Variants in ABCC10 observed in about 807,000 individuals in gnomAD.
ABCC10 encodes the protein ATP binding cassette subfamily C member 10, also known as ATP-binding cassette sub-family C member 10.
In ABCC10, 110 loss-of-function variants were observed where a neutral mutation model predicts 143.2. The ratio of observed to expected loss-of-function variants is 0.77; its 90% CI spans 0.66 to 0.90. The LOEUF is 0.90. Among genes scored for constraint, ABCC10 ranks in the 40% least tolerant of loss-of-function variants. The pLI, the probability that ABCC10 is intolerant of heterozygous loss-of-function variation, is 0.00. For synonymous variants in ABCC10, 805 were observed against 846.7 expected (o/e 0.95, Z 0.85); for missense variants, 1,700 against 1,900.5 (o/e 0.89, Z 1.96).
At chr6:43,450,913 C>G (rs375804004), downstream of ABCC10, 1 of 1,614,222 alleles carries the variant, frequency 6.2e-7, no homozygotes, top group South Asian at 1.1e-5. This position sits in a 1 kb window ranked among gnomAD's most constrained non-coding sequence, Gnocchi z 4.5. Flanking sequence ...GGGGTGTCCA[C>G]TGTGGTTGGG....
Position 43,450,351 on chromosome 6 carries a change from C to A in ABCC10, c.*260C>A. Reference sequence around the variant, plus strand: ...TGGGTTTTTCTGGCATAGGAGCCCACTTGCATTTTCATAGTTTTATTTGAT... The same window carrying A: ...TGGGTTTTTCTGGCATAGGAGCCCAATTGCATTTTCATAGTTTTATTTGAT... On this transcript the variant is annotated 3_prime_UTR_variant, in exon 22 of 22. Transcript: ENST00000372530. This position sits in a 1 kb window ranked among gnomAD's most constrained non-coding sequence, Gnocchi z 4.5. The A allele has an allele frequency of 1.1e-6, 1 of 944,912 alleles. No individual in the cohort carries two copies. The highest frequency in any genetic ancestry group is 2.2e-5 in the South Asian group (1 of 46,418). 58.5% of individuals were successfully genotyped at this position (944,912 alleles called of 1,614,324 possible).
In ABCC10 at chr6:43,443,819, G is replaced by T; in HGVS notation, c.2417-114G>T. ...CGAGGTCTAGGGGTATCCTGCTAGG[G>T]TGGGTTAGACGGGGAGGCCTGAGAG... On this transcript the variant is annotated intron_variant, in intron 10 of 21. Coordinates refer to ENST00000372530, the MANE Select transcript of ABCC10 (RefSeq NM_001198934.2). This position sits in a 1 kb window ranked among gnomAD's most constrained non-coding sequence, Gnocchi z 4.2. 9.3e-7 allele frequency: 1 copy of T among 1,073,800 alleles called. No individual in the cohort carries two copies. The highest frequency in any genetic ancestry group is 1.7e-5 in the Admixed American group (1 of 58,298). The allele number at this position is 1,073,800 out of a possible 1,614,324, so 66.5% of individuals were successfully genotyped here.
downstream of ABCC10, chr6:43,451,135 C>T (rs1168032564): frequency 5.0e-6 from 8 of 1,614,184 alleles, no homozygotes; most frequent in Middle Eastern, 1.6e-4. The surrounding 1 kb of genome is among the most constrained non-coding windows in gnomAD (Gnocchi z 4.4). Context: ...CAGGTGGCAC[C>T]GTTAGCACAA....
chr6:43,443,120 G>T lies in ABCC10; in HGVS notation c.2377G>T (p.Ala793Ser). The T allele has an allele frequency of 6.2e-7, 1 of 1,609,668 alleles. No homozygotes were observed. Among genetic ancestry groups the T allele is most frequent in the Non-Finnish European group, 8.5e-7 (1 of 1,179,662 alleles). Residue 793 changes from alanine to serine, a missense_variant, in exon 10 of 22, where the codon GCG becomes TCG. Physicochemically the swap from Ala to Ser is moderately conservative, Grantham distance 99. Transcript: ENST00000372530. The surrounding 1 kb of genome is among the most constrained non-coding windows in gnomAD (Gnocchi z 4.2). Reference protein sequence around the residue: ...HRTEYLERADAVLLMEAGRLI... With the variant: ...HRTEYLERADSVLLMEAGRLI... ...CACTGAGTACCTGGAGAGGGCTGAC[G>T]CGGTGCTGCTGATGGAGGCCGGGCG...
chr6:43,448,349 T>C (rs562694348), intron 18 of ABCC10, among the ~76,000 whole-genome samples: 31 of 152,274 alleles, frequency 2.0e-4, no homozygotes, highest in Non-Finnish European at 4.4e-4. Flanking sequence ...CAGGTCAACC[T>C]AGTATCATTT....
rs186520828 is a variant in ABCC10 at position 43,434,572 on chromosome 6, C to T, written c.1381-49C>T. ...TGGGGAAGGCTTGGCAGGGAAGACA[C>T]ATGAGCAGTGCCTCCACTTCACGCC... On this transcript the variant is annotated intron_variant, in intron 3 of 21. Transcript: ENST00000372530. The T allele has an allele frequency of 9.1e-6, 14 of 1,544,600 alleles. No individual in the cohort carries two copies. In the Admixed American group the frequency reaches 1.4e-4, roughly 15 times the overall value.
At chr6:43,438,833 T>G in intron 8 of ABCC10, 38 bp downstream of exon 8, 1 of 1,608,612 alleles carries the variant, frequency 6.2e-7, no homozygotes, top group African/African-American at 1.3e-5. Flanking sequence ...GCTGCCTGTT[T>G]CTCCAGTGTC....
Position 43,448,901 on chromosome 6 carries a change from C to T in ABCC10, c.3980C>T (p.Pro1327Leu). The change falls in exon 19 of 22, where the codon CCC becomes CTC. Residue 1327 changes from proline (P) to leucine (L), a missense_variant. Physicochemically the swap from Pro to Leu is moderately conservative, Grantham distance 98. Transcript: ENST00000372530. ...AQLRSQLAII[P>L]QEPFLFSGTV... ...CCCAGATCCCAGTTGGCTATCATCC[C>T]CCAGGAGCCCTTTTTGTTCAGTGGG... The T allele has an allele frequency of 6.8e-6, 11 of 1,613,944 alleles. No individual in the cohort carries two copies. The highest frequency in any genetic ancestry group is 9.3e-6 in the Non-Finnish European group (11 of 1,179,922).
intron 8 of ABCC10, among the ~76,000 whole-genome samples, chr6:43,441,440 C>T (rs979494451): frequency 6.6e-6 from 1 of 151,852 alleles, no homozygotes; most frequent in African/African-American, 2.4e-5. Context: ...TGTGCCACTG[C>T]ACTCCAGCCT....
intron 8 of ABCC10, among the ~76,000 whole-genome samples, chr6:43,440,160 T>C (rs1190453863): frequency 2.6e-5 from 4 of 151,744 alleles, no homozygotes; most frequent in African/African-American, 9.7e-5. Flanking sequence ...TTTCACCATG[T>C]TGCCCAGGCT....
chr6:43,436,191 T>C lies in ABCC10; in HGVS notation c.1819T>C (p.Trp607Arg). Reference protein sequence around the residue: ...VLELHGALFSWDPVGTSLETF... With the variant: ...VLELHGALFSRDPVGTSLETF... ...GGAGCTGCATGGAGCCTTGTTCTCC[T>C]GGGACCCAGTTGGAACCAGCCTGGA... Residue 607 changes from tryptophan to arginine, a missense_variant, in exon 6 of 22, where the codon TGG becomes CGG. Coordinates refer to ENST00000372530, the MANE Select transcript of ABCC10 (RefSeq NM_001198934.2). 1 of 1,614,196 alleles carries C rather than the reference T, an allele frequency of 6.2e-7. No individual in the cohort carries two copies. The highest frequency in any genetic ancestry group is 8.5e-7 in the Non-Finnish European group (1 of 1,180,030).
chr6:43,436,334 A>G (rs533500938), intron 6 of ABCC10, 87 bp downstream of exon 6: 1 of 1,475,364 alleles, frequency 6.8e-7, no homozygotes, highest in African/African-American at 1.4e-5. Context: ...CGAGCCAATC[A>G]TAGCTGATGG....
intron 20 of ABCC10, 66 bp from the exon 21 acceptor site, chr6:43,449,356 G>A: frequency 1.3e-6 from 2 of 1,527,346 alleles, no homozygotes; most frequent in South Asian, 1.2e-5. Flanking sequence ...TGTTGCTTGG[G>A]CCAGGCCCAA....
chr6:43,439,405 A>ATT (rs1782090758), intron 8 of ABCC10, among the ~76,000 whole-genome samples: 1 of 85,896 alleles, frequency 1.2e-5, no homozygotes, highest in African/African-American at 3.7e-5. Flanking sequence ...AAAATTGATT[A>ATT]ATTTTTTTTT....
At position 43,436,235 on chromosome 6, in the gene ABCC10, C is replaced by G. The variant is rs143415707; in HGVS notation, c.1863C>G (p.Leu621=). 4.3e-6 allele frequency: 7 copies of G among 1,613,764 alleles called. No individual in the cohort carries two copies. The highest frequency in any genetic ancestry group is 1.3e-5 in the African/African-American group (1 of 74,996). ...GTSLETFISH[L]EVKKGMLVGI... Reference sequence around the variant, plus strand: ...GCCTGGAGACCTTCATCAGTCATCTCGAAGTGAAAAAGGTTTGTTGGACAG... The same window carrying G: ...GCCTGGAGACCTTCATCAGTCATCTGGAAGTGAAAAAGGTTTGTTGGACAG... The change falls in exon 6 of 22, where the codon CTC becomes CTG. Residue 621 remains leucine, a synonymous_variant. Coordinates refer to ENST00000372530, the MANE Select transcript of ABCC10 (RefSeq NM_001198934.2).
At position 43,436,264 on chromosome 6, in the gene ABCC10, C is replaced by G. The variant is rs750698437; in HGVS notation, c.1875+17C>G. ...GTGAAAAAGGTTTGTTGGACAGACACCCTGGGAGAGTCCTCAGACTAACGA... is the reference window on the plus strand; with the variant it reads ...GTGAAAAAGGTTTGTTGGACAGACAGCCTGGGAGAGTCCTCAGACTAACGA... On this transcript the variant is annotated intron_variant, in intron 6 of 21. Coordinates refer to ENST00000372530, the MANE Select transcript of ABCC10 (RefSeq NM_001198934.2). 1.9e-6 allele frequency: 3 copies of G among 1,611,606 alleles called. No homozygotes were observed. The Admixed American group carries it at 5.0e-5, about 27-fold the overall frequency.
chr6:43,437,905 T>C (rs1781926300), intron 6 of ABCC10, 29 bp from the exon 7 acceptor site: 5 of 1,605,544 alleles, frequency 3.1e-6, no homozygotes, highest in African/African-American at 1.3e-5. Flanking sequence ...CTCCTACCAA[T>C]AGCAGATGCT....
chr6:43,448,606 C>A (rs1783397307), intron 18 of ABCC10, among the ~76,000 whole-genome samples: 1 of 152,196 alleles, frequency 6.6e-6, no homozygotes, highest in East Asian at 1.9e-4. Context: ...TTTGTTTTGT[C>A]TGGTTTGTGT....
intron 20 of ABCC10, 88 bp downstream of exon 20, chr6:43,449,292 G>A (rs1481464702): frequency 1.8e-5 from 27 of 1,528,846 alleles, no homozygotes; most frequent in African/African-American, 2.8e-5. Context: ...GAGGTTTTAG[G>A]GGACCAAGTT....
Sources: allele counts gnomAD v4.1 joint callset (sites outside exome capture counted in the v4.1 genomes callset), GRCh38; gene constraint gnomAD v4.1.1; non-coding constraint Gnocchi (gnomAD v3.1); transcripts MANE v1.5; gene names NCBI Gene and HGNC (gene_info 2026-07-23, HGNC 2026-07-21).